Variants in PTPRM observed in about 807,000 individuals in gnomAD.
PTPRM encodes the protein receptor-type tyrosine-protein phosphatase mu.
Under a neutral mutation model 186.7 loss-of-function variants are expected in PTPRM, and 47 were observed. The observed-to-expected ratio is 0.25, with a 90% confidence interval of 0.20 to 0.32. The LOEUF (loss-of-function observed/expected upper bound fraction) is 0.32, where lower values mean the gene tolerates loss of function less well. PTPRM is among the 10% of genes least tolerant of loss of function. The pLI, the probability that PTPRM is intolerant of heterozygous loss-of-function variation, is 1.00. For synonymous variants in PTPRM, 668 were observed against 674.9 expected (o/e 0.99, Z 0.16); for missense variants, 1,494 against 1,865.0 (o/e 0.80, Z 3.66).
At chr18:7,953,984 GAAA>G (rs971654442) in intron 6 of PTPRM, among the ~76,000 whole-genome samples, 1 of 152,080 alleles carries the variant, frequency 6.6e-6, no homozygotes, top group African/African-American at 2.4e-5. Context: ...ATACAGTCTT[GAAA>G]AAAATCACTA....
intron 19 of PTPRM, among the ~76,000 whole-genome samples, chr18:8,291,316 A>G (rs2095040695): frequency 6.6e-6 from 1 of 152,228 alleles, no homozygotes; most frequent in Non-Finnish European, 1.5e-5. Flanking sequence ...AGAAAGATGC[A>G]AGGTGAAGAT....
At chr18:8,013,264 C>T (rs2084650948) in intron 7 of PTPRM, among the ~76,000 whole-genome samples, 1 of 152,074 alleles carries the variant, frequency 6.6e-6, no homozygotes. Context: ...TTTTAGTTAA[C>T]CCTTGAACAG....
rs2048868801 is a variant in PTPRM at position 7,887,948 on chromosome 18, A to T, written c.197-158A>T. 7.2e-6 allele frequency: 6 copies of T among 832,704 alleles called. No homozygotes were observed. In the East Asian group the frequency reaches 9.7e-5, roughly 13 times the overall value. 51.6% of individuals were successfully genotyped at this position (832,704 alleles called of 1,614,324 possible). On this transcript the variant is annotated intron_variant, in intron 2 of 32. Transcript: ENST00000580170. The stretch of plus-strand genomic sequence containing the variant: ...CATATAGGGGGATGATAGGAGGAGG[A>T]GGTGGTGATATATGAAATAGGAATG...
chr18:7,986,459 C>G (rs2082969379), intron 7 of PTPRM, among the ~76,000 whole-genome samples: 1 of 152,144 alleles, frequency 6.6e-6, no homozygotes, highest in Admixed American at 6.5e-5. Flanking sequence ...TTTCCCATTG[C>G]CTTTTGGTGC....
chr18:7,757,647 C>T (rs190314373), intron 1 of PTPRM, among the ~76,000 whole-genome samples: 476 of 152,104 alleles, frequency 3.1e-3, no homozygotes, highest in Non-Finnish European at 4.2e-3. Flanking sequence ...CAATCTCGTA[C>T]GTAGGAGAAT....
At chr18:7,641,961 G>A (rs2038453638) in intron 1 of PTPRM, among the ~76,000 whole-genome samples, 1 of 152,144 alleles carries the variant, frequency 6.6e-6, no homozygotes, top group African/African-American at 2.4e-5. Context: ...GGGCTATGAG[G>A]GATGTGGAGG....
At chr18:7,683,482 A>G (rs963854690) in intron 1 of PTPRM, among the ~76,000 whole-genome samples, 3 of 152,134 alleles carry the variant, frequency 2.0e-5, no homozygotes, top group Admixed American at 6.5e-5. Flanking sequence ...TTGGATCACC[A>G]TTCTTAACTG....
chr18:8,056,963 T>G (rs770873443), intron 7 of PTPRM, among the ~76,000 whole-genome samples: 1 of 152,094 alleles, frequency 6.6e-6, no homozygotes, highest in Non-Finnish European at 1.5e-5. Flanking sequence ...CTATCTTTTC[T>G]GCAGTAAGGG....
At chr18:7,751,940 T>C (rs1385203956) in intron 1 of PTPRM, among the ~76,000 whole-genome samples, 2 of 152,206 alleles carry the variant, frequency 1.3e-5, no homozygotes, top group East Asian at 3.9e-4. Flanking sequence ...GTGCTACCAA[T>C]GTGAAGTGCA....
Position 7,602,899 on chromosome 18 carries a change from A to G in PTPRM, c.73+35008A>G, listed in dbSNP as rs139890823. ...TTATGAAAATATCTAAGAACGATGTATTTGGAATTATTATTATTATTATTA... is the reference window on the plus strand; with the variant it reads ...TTATGAAAATATCTAAGAACGATGTGTTTGGAATTATTATTATTATTATTA... On this transcript the variant is annotated intron_variant, in intron 1 of 32. Coordinates refer to ENST00000580170, the MANE Select transcript of PTPRM (RefSeq NM_001105244.2). Among the ~76,000 whole-genome samples, 377 of 132,688 alleles carry G rather than the reference A, an allele frequency of 2.8e-3. 1 individual carries two copies. Among genetic ancestry groups the G allele is most frequent in the African/African-American group, 0.011 (345 of 32,622 alleles). 87.0% of individuals were successfully genotyped at this position (132,688 alleles called of 152,430 possible). A position where few individuals can be genotyped will look rare whatever the true frequency, so the allele number is the denominator to read the frequency against.
At chr18:8,027,669 A>C (rs1273641188) in intron 7 of PTPRM, among the ~76,000 whole-genome samples, 1 of 152,196 alleles carries the variant, frequency 6.6e-6, no homozygotes, top group East Asian at 1.9e-4. Flanking sequence ...TTAGCCTTTA[A>C]AAGTTGATTT....
intron 11 of PTPRM, among the ~76,000 whole-genome samples, chr18:8,110,345 A>G (rs1266604965): frequency 3.3e-5 from 5 of 152,192 alleles, no homozygotes; most frequent in African/African-American, 9.7e-5. Context: ...CCCTTGAGAG[A>G]GACTCATTGA....
At chr18:7,679,403 A>G (rs1352210322) in intron 1 of PTPRM, among the ~76,000 whole-genome samples, 3 of 151,908 alleles carry the variant, frequency 2.0e-5, no homozygotes, top group Admixed American at 6.6e-5. Flanking sequence ...AGTGGCTTAC[A>G]CCTGCAATCC....
chr18:7,582,935 T>C (rs965479489), intron 1 of PTPRM, among the ~76,000 whole-genome samples: 1 of 152,248 alleles, frequency 6.6e-6, no homozygotes, highest in African/African-American at 2.4e-5. Context: ...GGCTGTGCTA[T>C]TTCCTCACTG....
At chr18:8,032,929 G>A (rs933260651) in intron 7 of PTPRM, among the ~76,000 whole-genome samples, 7 of 151,854 alleles carry the variant, frequency 4.6e-5, no homozygotes, top group Non-Finnish European at 8.8e-5. Context: ...ATGAAGCCTT[G>A]GAAGTACTAA....
intron 2 of PTPRM, among the ~76,000 whole-genome samples, chr18:7,789,532 T>C (rs2043238680): frequency 6.6e-6 from 1 of 152,144 alleles, no homozygotes; most frequent in African/African-American, 2.4e-5. Context: ...TTTCCTCTAC[T>C]AATTGGCTAC....
intron 1 of PTPRM, among the ~76,000 whole-genome samples, chr18:7,731,426 C>T (rs2040656954): frequency 6.6e-6 from 1 of 152,142 alleles, no homozygotes; most frequent in African/African-American, 2.4e-5. Context: ...ATTTGGAGTA[C>T]TTTCAGACAT....
intron 7 of PTPRM, among the ~76,000 whole-genome samples, chr18:7,968,388 A>G (rs1466893696): frequency 6.8e-6 from 1 of 146,666 alleles, no homozygotes; most frequent in African/African-American, 2.6e-5. Context: ...CTAGGAAGAA[A>G]CTGCATCAAC....
chr18:7,727,257 C>T (rs959195748), intron 1 of PTPRM, among the ~76,000 whole-genome samples: 1 of 152,060 alleles, frequency 6.6e-6, no homozygotes, highest in Non-Finnish European at 1.5e-5. Context: ...ATTTTGTGAT[C>T]TAAGGATCAC....
Sources: allele counts gnomAD v4.1 joint callset (sites outside exome capture counted in the v4.1 genomes callset), GRCh38; gene constraint gnomAD v4.1.1; transcripts MANE v1.5; gene names NCBI Gene and HGNC (gene_info 2026-07-23, HGNC 2026-07-21).